PTPRS: variants seen among roughly 807,000 people sequenced by gnomAD.
PTPRS encodes protein tyrosine phosphatase receptor type S.
In PTPRS, 63 loss-of-function variants were observed where a neutral mutation model predicts 215.3. The observed-to-expected ratio is 0.29, with a 90% CI of 0.24 to 0.36. The LOEUF is 0.36. PTPRS is among the 10% of genes least tolerant of loss of function. The pLI is 1.00. For missense variants in PTPRS, 2,258 were observed against 2,825.8 expected (o/e 0.80, Z 4.56); for synonymous variants, 1,404 against 1,191.4 (o/e 1.18, Z -3.68).
chr19:5,287,221 G>A lies in PTPRS; in HGVS notation c.-94-987C>T, dbSNP rs867010981. On this transcript the variant is annotated intron_variant, in intron 1 of 37. Coordinates refer to ENST00000262963, the MANE Select transcript of PTPRS (RefSeq NM_002850.4). This position sits in a 1 kb window ranked among gnomAD's most constrained non-coding sequence, Gnocchi z 4.8. ...TGTCCCCACCACATGACAGGTCTCA[G>A]CTTAGCTGTCACTTCCTCAGGAAAC... Among the ~76,000 whole-genome samples the A allele has an allele frequency of 6.6e-6, 1 of 152,128 alleles. No individual in the cohort carries two copies. Among genetic ancestry groups the A allele is most frequent in the South Asian group, 2.1e-4 (1 of 4,836 alleles).
intron 9 of PTPRS, among the ~76,000 whole-genome samples, chr19:5,246,680 A>T (rs2044515336): frequency 6.6e-6 from 1 of 152,158 alleles, no homozygotes. Context: ...GGAGCCTGAG[A>T]TGTCAGTCCC....
At chr19:5,208,199 C>T in intron 36 of PTPRS, 38 bp downstream of exon 36, 3 of 1,563,694 alleles carry the variant, frequency 1.9e-6, no homozygotes, top group Non-Finnish European at 2.6e-6. Context: ...TCAGTTTCCC[C>T]AGCAGGGCCA....
At position 5,223,123 on chromosome 19, in the gene PTPRS, T is replaced by A; in HGVS notation, c.2669A>T (p.Tyr890Phe). 1 of 1,569,508 alleles carries A rather than the reference T, an allele frequency of 6.4e-7. No individual in the cohort carries two copies. Residue 890 changes from tyrosine (Y) to phenylalanine (F), a missense_variant, in exon 18 of 38, where the codon TAC becomes TTC. By Grantham distance (22) the Tyr-to-Phe change is conservative. Around this residue, in one of 6 missense-constraint regions of PTPRS, gnomAD observed 361 missense variants for 332.6 expected, o/e 1.09. Coordinates refer to ENST00000262963, the MANE Select transcript of PTPRS (RefSeq NM_002850.4). ...CCCCTTGTGCACGCCTGATGCCGTG[T>A]AGCGGTCCTCGGAGGGCGGGAACTC... ...TLEFPPSEDRYTASGVHKGAT... is the reference protein window; with the variant it reads ...TLEFPPSEDRFTASGVHKGAT...
intron 1 of PTPRS, among the ~76,000 whole-genome samples, chr19:5,317,882 G>A (rs570615827): frequency 6.6e-6 from 1 of 151,792 alleles, no homozygotes; most frequent in African/African-American, 2.4e-5. Context: ...TTAAAAATAT[G>A]AAAATTAGGC....
chr19:5,302,081 C>T (rs1243927276), intron 1 of PTPRS, among the ~76,000 whole-genome samples: 1 of 126,710 alleles, frequency 7.9e-6, no homozygotes, highest in Admixed American at 7.3e-5. Context: ...CACACTTGGC[C>T]CCCCGATTTA....
intron 30 of PTPRS, among the ~76,000 whole-genome samples, 189 bp from the exon 31 acceptor site, chr19:5,212,680 C>A (rs1261862456): frequency 6.6e-6 from 1 of 152,150 alleles, no homozygotes; most frequent in African/African-American, 2.4e-5. Context: ...CTCGTCTCAA[C>A]TAAAAATACA....
At chr19:5,321,709 G>A (rs1006090972) in intron 1 of PTPRS, among the ~76,000 whole-genome samples, 4 of 150,882 alleles carry the variant, frequency 2.7e-5, no homozygotes, top group Non-Finnish European at 5.9e-5. Context: ...TTACAAACAG[G>A]TAAACTGAGG....
Position 5,219,976 on chromosome 19 carries a change from A to G in PTPRS, c.3728T>C (p.Val1243Ala). The G allele has an allele frequency of 6.2e-7, 1 of 1,613,946 alleles. No individual in the cohort carries two copies. ...CTGAAGCACGGCAAGCACGAAGAGGACATAGCGGTGGCCGGGCTCCAGGCC... is the reference window on the plus strand; with the variant it reads ...CTGAAGCACGGCAAGCACGAAGAGGGCATAGCGGTGGCCGGGCTCCAGGCC... ...NRGLEPGHRY[V>A]LFVLAVLQKS... is the part of the protein sequence containing the mutation. The change falls in exon 22 of 38, where the codon GTC becomes GCC. Residue 1243 changes from valine (V) to alanine (A), a missense_variant. Physicochemically the swap from Val to Ala is moderately conservative, Grantham distance 64 (BLOSUM62 0). Transcript: ENST00000262963.
intron 1 of PTPRS, among the ~76,000 whole-genome samples, chr19:5,312,196 G>A (rs2049728814): frequency 6.6e-6 from 1 of 152,134 alleles, no homozygotes; most frequent in Admixed American, 6.5e-5. Flanking sequence ...GCATGTAGAT[G>A]GCATACTACA....
chr19:5,234,786 G>A (rs766662753), intron 13 of PTPRS, among the ~76,000 whole-genome samples: 1 of 151,940 alleles, frequency 6.6e-6, no homozygotes, highest in Non-Finnish European at 1.5e-5. Context: ...ATCAGAAAAC[G>A]ATAGTAGTCA....
intron 2 of PTPRS, among the ~76,000 whole-genome samples, chr19:5,277,282 G>A (rs997114963): frequency 3.3e-5 from 5 of 151,968 alleles, no homozygotes; most frequent in African/African-American, 1.2e-4. Context: ...CCCTTAGGAA[G>A]CAGCCTATAT....
intron 13 of PTPRS, among the ~76,000 whole-genome samples, chr19:5,236,851 A>G (rs1295374722): frequency 1.5e-5 from 2 of 136,132 alleles, no homozygotes; most frequent in Non-Finnish European, 1.5e-5. Flanking sequence ...AGCAGGGGGA[A>G]AAAAAAAAAA....
chr19:5,286,431 A>C (rs2146888732), intron 1 of PTPRS, 197 bp from the exon 2 acceptor site: 1 of 433,196 alleles, frequency 2.3e-6, no homozygotes, highest in Non-Finnish European at 4.3e-6. Flanking sequence ...TGTCTCCCCC[A>C]CAAAAAATCA....
intron 6 of PTPRS, among the ~76,000 whole-genome samples, chr19:5,262,565 A>T (rs1002025170): frequency 1.1e-4 from 16 of 152,224 alleles, no homozygotes; most frequent in African/African-American, 3.9e-4. Context: ...AACTTCTGTA[A>T]TTAAATCCTT....
At chr19:5,277,757 G>C in intron 2 of PTPRS, 4 of 702,374 alleles carry the variant, frequency 5.7e-6, no homozygotes, top group Non-Finnish European at 1.0e-5. Flanking sequence ...GACTCCTCAT[G>C]AAGCCCAAGA....
chr19:5,223,483 T>G (rs971267404), intron 17 of PTPRS, among the ~76,000 whole-genome samples, 186 bp from the exon 18 acceptor site: 2 of 151,810 alleles, frequency 1.3e-5, no homozygotes, highest in Non-Finnish European at 2.9e-5. Flanking sequence ...CTCGAACTCC[T>G]GGGCTCAAGT....
chr19:5,273,009 A>C (rs1392871604), intron 4 of PTPRS: 1 of 209,074 alleles, frequency 4.8e-6, no homozygotes, highest in Non-Finnish European at 9.8e-6. Flanking sequence ...AGTCTCACTA[A>C]GGATATCATC....
At chr19:5,221,992 C>G in intron 19 of PTPRS, 131 bp downstream of exon 19, 1 of 719,414 alleles carries the variant, frequency 1.4e-6, no homozygotes, top group Non-Finnish European at 2.4e-6. Context: ...AGCCTCAATC[C>G]TAGCTGAGAC....
rs1417028638 is a variant in PTPRS, at chr19:5,339,678, G to C, written c.-95+986C>G. On this transcript the variant is annotated intron_variant, in intron 1 of 37. Coordinates refer to ENST00000262963, the MANE Select transcript of PTPRS (RefSeq NM_002850.4). The surrounding 1 kb of genome is among the most constrained non-coding windows in gnomAD (Gnocchi z 4.2). ...CCCACGGCGCGGGCACTCTAACCTGGGGGGCTCCCCTCAGGGCACGCCCCG... is the reference window on the plus strand; with the variant it reads ...CCCACGGCGCGGGCACTCTAACCTGCGGGGCTCCCCTCAGGGCACGCCCCG... 2.6e-5 allele frequency among the ~76,000 whole-genome samples: 4 copies of C among 151,960 alleles called. No individual in the cohort carries two copies. Among genetic ancestry groups the C allele is most frequent in the African/African-American group, 9.7e-5 (4 of 41,424 alleles).
Sources: gnomAD v4.1 joint callset for allele counts (sites outside exome capture counted in the v4.1 genomes callset) on GRCh38, gnomAD v4.1.1 for gene constraint, gnomAD v4.1.1 regional missense constraint, Gnocchi (gnomAD v3.1) non-coding constraint, MANE v1.5 for transcripts, NCBI Gene and HGNC (gene_info 2026-07-23, HGNC 2026-07-21) for gene names.